CACNG2: variants seen among roughly 807,000 people sequenced by gnomAD.
CACNG2 encodes voltage-dependent calcium channel gamma-2 subunit.
A neutral mutation model predicts 25.9 loss-of-function variants in CACNG2; 3 were observed. The observed-to-expected ratio is 0.12, with a 90% CI of 0.05 to 0.30. CACNG2 has a LOEUF of 0.30. Among genes scored for constraint, CACNG2 ranks in the 10% least tolerant of loss-of-function variants. The pLI, the probability that CACNG2 is intolerant of heterozygous loss-of-function variation, is 1.00. For missense variants in CACNG2, 341 were observed against 432.5 expected, an observed-to-expected ratio of 0.79 and a Z score of 1.88; for synonymous variants, 167 against 173.3, an observed-to-expected ratio of 0.96 and a Z score of 0.29.
chr22:36,650,423 T>G (rs922064911), intron 1 of CACNG2, among the ~76,000 whole-genome samples: 1 of 152,038 alleles, frequency 6.6e-6, no homozygotes, highest in Non-Finnish European at 1.5e-5. Context: ...CAGGCTGGAG[T>G]GCAGTGCTTC....
At chr22:36,605,812 A>G (rs2055258246) in intron 1 of CACNG2, among the ~76,000 whole-genome samples, 2 of 152,292 alleles carry the variant, frequency 1.3e-5, no homozygotes, top group South Asian at 4.2e-4. Flanking sequence ...GAGACCGGTG[A>G]TTACACTCTG....
At chr22:36,600,450 C>A (rs4821507) in intron 1 of CACNG2, among the ~76,000 whole-genome samples, 63 of 147,406 alleles carry the variant, frequency 4.3e-4, no homozygotes, top group African/African-American at 5.6e-4. Context: ...ACCAAAAAAA[C>A]AAAAAAAAAA....
At chr22:36,625,926 T>G (rs1193048607) in intron 1 of CACNG2, among the ~76,000 whole-genome samples, 1 of 152,230 alleles carries the variant, frequency 6.6e-6, no homozygotes, top group East Asian at 1.9e-4. Context: ...GACACCTTTT[T>G]TTTGTTTGTT....
At chr22:36,595,601 T>TGGGTGA (rs1165526764) in intron 1 of CACNG2, among the ~76,000 whole-genome samples, 9 of 151,034 alleles carry the variant, frequency 6.0e-5, no homozygotes, top group South Asian at 2.1e-4. Flanking sequence ...GAGGGCTGGG[T>TGGGTGA]GGGTGAGGGT....
chr22:36,671,166 C>G (rs2145993005), intron 1 of CACNG2, among the ~76,000 whole-genome samples: 1 of 152,316 alleles, frequency 6.6e-6, no homozygotes, highest in South Asian at 2.1e-4. Flanking sequence ...ATCTGCCTGC[C>G]TCAGCCTCCC....
chr22:36,586,163 G>A (rs1057358901), intron 2 of CACNG2, among the ~76,000 whole-genome samples: 7 of 152,196 alleles, frequency 4.6e-5, no homozygotes, highest in African/African-American at 1.7e-4. Flanking sequence ...TCCCTGCCAG[G>A]CTGTGCTCTT....
intron 1 of CACNG2, among the ~76,000 whole-genome samples, chr22:36,684,782 G>A (rs567969517): frequency 5.9e-5 from 9 of 152,110 alleles, no homozygotes; most frequent in South Asian, 2.1e-4. Context: ...ATTTATTTCC[G>A]TTTTTGTGTG....
At chr22:36,566,570 G>T in intron 2 of CACNG2, 77 bp from the exon 3 acceptor site, 2 of 1,512,034 alleles carry the variant, frequency 1.3e-6, no homozygotes, top group Non-Finnish European at 1.8e-6. Context: ...AGGTGGGAGA[G>T]CAGCCCCGAG....
intron 1 of CACNG2, among the ~76,000 whole-genome samples, chr22:36,694,565 A>G (rs1937309129): frequency 6.6e-6 from 1 of 152,254 alleles, no homozygotes; most frequent in South Asian, 2.1e-4. Flanking sequence ...AACTGATTGT[A>G]AAATATGCCA....
Position 36,564,144 on chromosome 22 carries a change from T to G in CACNG2, c.*207A>C. On this transcript the variant is annotated 3_prime_UTR_variant, in exon 4 of 4. Transcript: ENST00000300105. The surrounding 1 kb of genome is among the most constrained non-coding windows in gnomAD (Gnocchi z 6.7). ...GTTTTGCTTCTTTGTTCCTCTTATA[T>G]TTTGTTCTTTTTTTTAAAATTTACT... is the stretch of plus-strand genomic sequence containing the variant. 2.1e-6 allele frequency: 1 copy of G among 481,720 alleles called. No individual in the cohort carries two copies. The highest frequency in any genetic ancestry group is 3.6e-6 in the Non-Finnish European group (1 of 276,080). 29.8% of individuals were successfully genotyped at this position (481,720 alleles called of 1,614,324 possible). A position where few individuals can be genotyped will look rare whatever the true frequency, so the allele number is the denominator to read the frequency against.
intron 2 of CACNG2, among the ~76,000 whole-genome samples, chr22:36,574,532 G>A (rs572185281): frequency 6.6e-6 from 1 of 152,302 alleles, no homozygotes; most frequent in African/African-American, 2.4e-5. Context: ...TGTAATCCCA[G>A]CACTTTGGAA....
In CACNG2 at chr22:36,561,135, C is replaced by T. The variant is rs1935021430; in HGVS notation, c.*3216G>A. On this transcript the variant is annotated 3_prime_UTR_variant, in exon 4 of 4. Transcript: ENST00000300105. ...CAGCCATGGCGATGTCACCCCACAC[C>T]CCAGTGGCTTTCTTCAAGCACACCC... The T allele has an allele frequency of 6.6e-6, 1 of 152,200 alleles. No homozygotes were observed. Among genetic ancestry groups the T allele is most frequent in the Admixed American group, 6.6e-5 (1 of 15,262 alleles). The allele number at this position is 152,200 out of a possible 1,614,324, so 9.4% of individuals were successfully genotyped here.
intron 1 of CACNG2, among the ~76,000 whole-genome samples, chr22:36,672,689 G>A (rs889211427): frequency 6.6e-6 from 1 of 152,150 alleles, no homozygotes; most frequent in Admixed American, 6.5e-5. Context: ...TCCCTGCAAA[G>A]CCCATTCTTC....
intron 1 of CACNG2, among the ~76,000 whole-genome samples, chr22:36,639,427 T>C (rs56975761): frequency 6.6e-6 from 1 of 152,110 alleles, no homozygotes; most frequent in African/African-American, 2.4e-5. Flanking sequence ...TAGAGGGAAG[T>C]GTGAGAGCAA....
At chr22:36,603,885 A>T (rs1411566405) in intron 1 of CACNG2, among the ~76,000 whole-genome samples, 3 of 152,236 alleles carry the variant, frequency 2.0e-5, no homozygotes, top group Non-Finnish European at 4.4e-5. Flanking sequence ...CTAACACAAC[A>T]TCTATTTTGC....
rs910696745 is a variant in CACNG2, at chr22:36,640,629, C to T, written c.212-53081G>A. On this transcript the variant is annotated intron_variant, in intron 1 of 3. Transcript: ENST00000300105. ...AAGACCCACTGCAGAAGGTAGGGCC[C>T]GAGCCTTCAGCATCACCTTCCCTCA... is the stretch of plus-strand genomic sequence containing the variant. Among the ~76,000 whole-genome samples, 7 of 152,150 alleles carry T rather than the reference C, an allele frequency of 4.6e-5. No individual in the cohort carries two copies. In the East Asian group the frequency reaches 5.8e-4, roughly 13 times the overall value.
At chr22:36,592,870 GC>G (rs1238040086) in intron 1 of CACNG2, among the ~76,000 whole-genome samples, 3 of 152,198 alleles carry the variant, frequency 2.0e-5, no homozygotes, top group Non-Finnish European at 4.4e-5. Flanking sequence ...GGAGGTCAGG[GC>G]CGGGAATGGG....
chr22:36,633,871 C>T (rs973197468), intron 1 of CACNG2, among the ~76,000 whole-genome samples: 1 of 152,076 alleles, frequency 6.6e-6, no homozygotes, highest in African/African-American at 2.4e-5. Flanking sequence ...ATCTGAAAGT[C>T]GGTTTCGGTG....
At chr22:36,613,102 A>C (rs143932119) in intron 1 of CACNG2, among the ~76,000 whole-genome samples, 2 of 151,828 alleles carry the variant, frequency 1.3e-5, no homozygotes, top group African/African-American at 4.8e-5. Flanking sequence ...GTCAAACTCT[A>C]ATGTGGGAAT....
Sources: gnomAD v4.1 joint callset for allele counts (sites outside exome capture counted in the v4.1 genomes callset) on GRCh38, gnomAD v4.1.1 for gene constraint, Gnocchi (gnomAD v3.1) non-coding constraint, MANE v1.5 for transcripts, NCBI Gene and HGNC (gene_info 2026-07-23, HGNC 2026-07-21) for gene names.